Variants in TLK1 observed in about 807,000 individuals in gnomAD.
TLK1 encodes serine/threonine-protein kinase tousled-like 1.
In TLK1, 24 loss-of-function variants were observed where a neutral mutation model predicts 105.3. The ratio of observed to expected loss-of-function variants is 0.23; its 90% CI spans 0.17 to 0.32. TLK1 has a LOEUF of 0.32. TLK1 is among the 10% of genes least tolerant of loss of function. The probability of loss-of-function intolerance (pLI) is 1.00; values close to 1 mark genes in which losing one functional copy is unlikely to be tolerated. For missense variants in TLK1, 558 were observed against 910.5 expected (o/e 0.61, Z 4.98); for synonymous variants, 321 against 310.4 (o/e 1.03, Z -0.36).
intron 10 of TLK1, among the ~76,000 whole-genome samples, 155 bp downstream of exon 10, chr2:171,049,659 T>C (rs568321653): frequency 2.0e-5 from 3 of 152,332 alleles, no homozygotes; most frequent in African/African-American, 7.2e-5. Flanking sequence ...GCTAAAACTG[T>C]AATACTCTTG....
chr2:171,194,614 G>A (rs994102284), intron 1 of TLK1, among the ~76,000 whole-genome samples: 3 of 152,054 alleles, frequency 2.0e-5, no homozygotes, highest in Admixed American at 6.5e-5. Flanking sequence ...TCAGGAGATC[G>A]AGACCATCCT....
At chr2:171,082,685 T>C (rs1235533107) in intron 3 of TLK1, 96 bp downstream of exon 3, 1 of 997,094 alleles carries the variant, frequency 1.0e-6, no homozygotes, top group African/African-American at 1.7e-5. Flanking sequence ...AGCATTAACC[T>C]TTAGCAAAAG....
intron 1 of TLK1, among the ~76,000 whole-genome samples, chr2:171,192,508 T>C (rs1693175200): frequency 1.3e-5 from 2 of 151,676 alleles, no homozygotes; most frequent in African/African-American, 4.8e-5. Context: ...TGAAACCCCA[T>C]CTCTACTAAA....
chr2:171,052,103 A>C (rs745445593), intron 8 of TLK1, among the ~76,000 whole-genome samples: 8 of 151,836 alleles, frequency 5.3e-5, no homozygotes, highest in Non-Finnish European at 1.0e-4. Flanking sequence ...CTACAAAATA[A>C]AAAAAAATCA....
chr2:171,156,369 G>C (rs1327026594), intron 1 of TLK1, among the ~76,000 whole-genome samples: 1 of 152,078 alleles, frequency 6.6e-6, no homozygotes, highest in African/African-American at 2.4e-5. Context: ...TTACAACACA[G>C]TTTAAATTAA....
intron 13 of TLK1, among the ~76,000 whole-genome samples, chr2:171,012,838 G>C (rs1318520403): frequency 1.3e-5 from 2 of 151,864 alleles, no homozygotes; most frequent in Non-Finnish European, 2.9e-5. Context: ...AGTAATTTAA[G>C]CTTTTTCTTG....
chr2:171,127,818 T>A (rs574457601), intron 1 of TLK1, among the ~76,000 whole-genome samples: 3 of 151,998 alleles, frequency 2.0e-5, no homozygotes, highest in Non-Finnish European at 4.4e-5. Context: ...CACTAAATAG[T>A]TTCACTAAAC....
upstream of TLK1, among the ~76,000 whole-genome samples, chr2:171,165,735 GC>G (rs1170626134): frequency 1.3e-5 from 2 of 152,010 alleles, no homozygotes; most frequent in Non-Finnish European, 2.9e-5. Flanking sequence ...ACATGGTGAA[GC>G]CCCATCTCTA....
intron 2 of TLK1, among the ~76,000 whole-genome samples, chr2:171,092,275 G>A (rs1262123929): frequency 3.9e-5 from 6 of 152,136 alleles, no homozygotes; most frequent in Non-Finnish European, 8.8e-5. Context: ...AATCTGGAGT[G>A]GACAAAAGTA....
At chr2:171,070,804 G>C (rs1439157755) in intron 3 of TLK1, among the ~76,000 whole-genome samples, 2 of 152,154 alleles carry the variant, frequency 1.3e-5, no homozygotes, top group African/African-American at 4.8e-5. Context: ...GGAATTGCTG[G>C]ATCGCACGGT....
At chr2:171,202,578 G>A (rs983685775) in intron 1 of TLK1, among the ~76,000 whole-genome samples, 7 of 151,946 alleles carry the variant, frequency 4.6e-5, no homozygotes, top group Admixed American at 2.0e-4. Flanking sequence ...CCAATACAGC[G>A]AAACCCTGTG....
intron 1 of TLK1, among the ~76,000 whole-genome samples, chr2:171,226,389 A>T (rs557354721): frequency 4.6e-5 from 7 of 152,202 alleles, no homozygotes; most frequent in African/African-American, 1.7e-4. Flanking sequence ...ATTTCCTAAA[A>T]GGCATCTGGT....
intron 11 of TLK1, among the ~76,000 whole-genome samples, chr2:171,043,409 A>T (rs1686786557): frequency 6.6e-6 from 1 of 152,224 alleles, no homozygotes; most frequent in Non-Finnish European, 1.5e-5. Context: ...AAGGAGCCAG[A>T]TCAAAAGTGC....
intron 1 of TLK1, among the ~76,000 whole-genome samples, chr2:171,168,910 G>A (rs951744076): frequency 6.6e-6 from 1 of 151,978 alleles, no homozygotes; most frequent in African/African-American, 2.4e-5. Context: ...GTGAAACCTC[G>A]TCTCTGCAAC....
intron 20 of TLK1, 24 bp from the exon 21 acceptor site, chr2:170,993,980 A>G (rs1241864352): frequency 3.2e-6 from 5 of 1,561,726 alleles, no homozygotes; most frequent in Middle Eastern, 2.3e-4. Flanking sequence ...AGGAAATGTT[A>G]GCAATTAATG....
At position 171,108,084 on chromosome 2, in the gene TLK1, AAC is replaced by A. The variant is rs771175590; in HGVS notation, c.258+9653_258+9654del. Reference sequence around the variant, plus strand: ...AAAAAAAAACAACAACAACAACAACAACAAAAAAACAGGAGCCAGGAGACCAC... The same window carrying A: ...AAAAAAAAACAACAACAACAACAACAAAAAAAACAGGAGCCAGGAGACCAC... On this transcript the variant is annotated intron_variant, in intron 2 of 20. Coordinates refer to ENST00000431350, the MANE Select transcript of TLK1 (RefSeq NM_012290.5). Among the ~76,000 whole-genome samples the A allele has an allele frequency of 4.6e-3, 662 of 144,336 alleles. 5 individuals are homozygous for A. Among genetic ancestry groups the A allele is most frequent in the Non-Finnish European group, 6.6e-3 (443 of 66,844 alleles). The allele number at this position is 144,336 out of a possible 152,430, so 94.7% of individuals were successfully genotyped here.
At chr2:171,131,114 T>C (rs546650077) in intron 1 of TLK1, among the ~76,000 whole-genome samples, 7 of 151,544 alleles carry the variant, frequency 4.6e-5, no homozygotes, top group African/African-American at 1.5e-4. Context: ...TATCTATATA[T>C]AGAGAGAGAT....
chr2:171,200,442 C>T (rs1179872221), intron 1 of TLK1, among the ~76,000 whole-genome samples: 1 of 152,204 alleles, frequency 6.6e-6, no homozygotes, highest in Non-Finnish European at 1.5e-5. Flanking sequence ...GTTAGAATGA[C>T]TTGCGCAGCC....
At chr2:171,222,808 T>TATTA (rs200751168) in intron 1 of TLK1, among the ~76,000 whole-genome samples, 2 of 80,056 alleles carry the variant, frequency 2.5e-5, no homozygotes, top group African/African-American at 1.2e-4. Flanking sequence ...AACTATAGTC[T>TATTA]ATTTATTTAT....
Sources: gnomAD v4.1 joint callset for allele counts (sites outside exome capture counted in the v4.1 genomes callset) on GRCh38, gnomAD v4.1.1 for gene constraint, MANE v1.5 for transcripts, NCBI Gene and HGNC (gene_info 2026-07-23, HGNC 2026-07-21) for gene names.